Variants in TCERG1L observed in about 807,000 individuals in gnomAD.
The protein encoded by TCERG1L is transcription elongation regulator 1 like.
Under a neutral mutation model 56.3 loss-of-function variants are expected in TCERG1L, and 37 were observed. The ratio of observed to expected loss-of-function variants is 0.66; its 90% CI spans 0.51 to 0.87. The LOEUF (loss-of-function observed/expected upper bound fraction) is 0.87, where lower values mean the gene tolerates loss of function less well. Ranked by LOEUF, TCERG1L falls within the 40% of genes least tolerant of loss-of-function variation. The probability of loss-of-function intolerance (pLI) is 0.00; values close to 1 mark genes in which losing one functional copy is unlikely to be tolerated. For synonymous variants in TCERG1L, 324 were observed against 326.3 expected, an observed-to-expected ratio of 0.99 and a Z score of 0.08; for missense variants, 799 against 774.2, an observed-to-expected ratio of 1.03 and a Z score of -0.38.
intron 4 of TCERG1L, among the ~76,000 whole-genome samples, chr10:131,201,440 G>T (rs527263077): frequency 6.6e-6 from 1 of 152,250 alleles, no homozygotes; most frequent in East Asian, 1.9e-4. Flanking sequence ...GTTCCCCGGG[G>T]TCTCGTAAGG....
intron 3 of TCERG1L, among the ~76,000 whole-genome samples, chr10:131,291,811 G>T (rs533522579): frequency 6.6e-6 from 1 of 151,566 alleles, no homozygotes; most frequent in Non-Finnish European, 1.5e-5. Context: ...TCAGAATGTT[G>T]TCGTTTTCTC....
intron 3 of TCERG1L, among the ~76,000 whole-genome samples, chr10:131,307,360 A>G (rs1027936235): frequency 1.3e-5 from 2 of 152,244 alleles, no homozygotes; most frequent in Non-Finnish European, 2.9e-5. Context: ...AGAGAACAAA[A>G]TAAATATATC....
intron 4 of TCERG1L, among the ~76,000 whole-genome samples, chr10:131,195,519 TG>T (rs903824259): frequency 6.6e-6 from 1 of 152,212 alleles, no homozygotes; most frequent in African/African-American, 2.4e-5. Flanking sequence ...TTCTCCTTGC[TG>T]CTCTTCCCAA....
chr10:131,175,648 C>A (rs1846140044), intron 4 of TCERG1L, among the ~76,000 whole-genome samples: 1 of 152,198 alleles, frequency 6.6e-6, no homozygotes, highest in Admixed American at 6.5e-5. Flanking sequence ...TCATCTTTAT[C>A]CAAAGTAGGG....
At position 131,311,254 on chromosome 10, in the gene TCERG1L, A is replaced by G. The variant is rs937486716; in HGVS notation, c.342+40T>C. On this transcript the variant is annotated intron_variant, in intron 1 of 11. Transcript: ENST00000368642. This position sits in a 1 kb window ranked among gnomAD's most constrained non-coding sequence, Gnocchi z 4.0. ...GGCAGGGCGCGCCCAGGAGCAGGGG[A>G]GACGGCGACCCGGGCCGAGGCGGGA... 1.0e-5 allele frequency: 12 copies of G among 1,177,754 alleles called. No homozygotes were observed. The highest frequency in any genetic ancestry group is 3.2e-6 in the Non-Finnish European group (3 of 952,168). 73.0% of individuals were successfully genotyped at this position (1,177,754 alleles called of 1,614,324 possible). A position where few individuals can be genotyped will look rare whatever the true frequency, so the allele number is the denominator to read the frequency against.
At chr10:131,231,720 G>A (rs543165923) in intron 4 of TCERG1L, among the ~76,000 whole-genome samples, 8 of 152,300 alleles carry the variant, frequency 5.3e-5, no homozygotes, top group African/African-American at 1.2e-4. Flanking sequence ...GCCGGCACGT[G>A]GGGGGAAGTC....
rs202133271 is a variant in TCERG1L, at chr10:131,286,098, TCACTCC to T, written c.670+22107_670+22112del. Reference sequence around the variant, plus strand: ...AAGAACGGAAAAGAAGAAAGAAATCTCACTCCTGAACATTAACACGTCCGTGGCTCT... The same window carrying T: ...AAGAACGGAAAAGAAGAAAGAAATCTTGAACATTAACACGTCCGTGGCTCT... On this transcript the variant is annotated intron_variant, in intron 3 of 11. Transcript: ENST00000368642. 2.5e-4 allele frequency among the ~76,000 whole-genome samples: 38 copies of T among 152,326 alleles called. 1 individual carries two copies. The East Asian group carries it at 6.6e-3, about 26-fold the overall frequency.
intron 5 of TCERG1L, among the ~76,000 whole-genome samples, chr10:131,165,619 G>A (rs946771394): frequency 2.0e-5 from 3 of 152,108 alleles, no homozygotes; most frequent in African/African-American, 7.2e-5. Flanking sequence ...AAAACTAGGG[G>A]GGACTTTCAT....
At chr10:131,170,443 G>A (rs952537571) in intron 4 of TCERG1L, among the ~76,000 whole-genome samples, 4 of 151,962 alleles carry the variant, frequency 2.6e-5, no homozygotes, top group South Asian at 2.1e-4. Flanking sequence ...TCCGCCCTCC[G>A]AGAGAGGCAC....
At chr10:131,192,258 A>G (rs1845313082) in intron 4 of TCERG1L, among the ~76,000 whole-genome samples, 1 of 144,694 alleles carries the variant, frequency 6.9e-6, no homozygotes, top group Non-Finnish European at 1.5e-5. Flanking sequence ...CAAATGGACA[A>G]CAACCATGAA....
At chr10:131,298,586 G>T (rs1046008616) in intron 3 of TCERG1L, among the ~76,000 whole-genome samples, 3 of 152,100 alleles carry the variant, frequency 2.0e-5, no homozygotes, top group Admixed American at 6.5e-5. Context: ...GCTAATTTTT[G>T]TATTTTTAGT....
chr10:131,229,285 T>C (rs1361734837), intron 4 of TCERG1L, among the ~76,000 whole-genome samples: 2 of 152,260 alleles, frequency 1.3e-5, no homozygotes, highest in African/African-American at 2.4e-5. Flanking sequence ...CGCATCGAAC[T>C]GTCCAACATC....
intron 4 of TCERG1L, among the ~76,000 whole-genome samples, chr10:131,214,142 C>T (rs1845645678): frequency 1.3e-5 from 2 of 152,220 alleles, no homozygotes; most frequent in African/African-American, 4.8e-5. Context: ...CACAGGCCTC[C>T]TGACATCCTC....
chr10:131,178,552 TCCTCAGGGC>T (rs1845136625), intron 4 of TCERG1L, among the ~76,000 whole-genome samples: 1 of 152,156 alleles, frequency 6.6e-6, no homozygotes, highest in Non-Finnish European at 1.5e-5. Context: ...TGTCTGTCTG[TCCTCAGGGC>T]CTGGGAAGAG....
At chr10:131,199,644 C>A (rs1210091249) in intron 4 of TCERG1L, among the ~76,000 whole-genome samples, 3 of 152,216 alleles carry the variant, frequency 2.0e-5, no homozygotes, top group African/African-American at 4.8e-5. Context: ...TCACGTCACA[C>A]CCCCTTGAGC....
Position 131,134,403 on chromosome 10 carries a change from T to C in TCERG1L, c.1235A>G (p.Gln412Arg), listed in dbSNP as rs1350699330. 1.9e-6 allele frequency: 3 copies of C among 1,594,712 alleles called. No homozygotes were observed. Among genetic ancestry groups the C allele is most frequent in the Non-Finnish European group, 2.6e-6 (3 of 1,169,898 alleles). Residue 412 changes from glutamine (Q) to arginine (R), a missense_variant, in exon 8 of 12, where the codon CAA becomes CGA. Physicochemically the swap from Gln to Arg is conservative, Grantham distance 43. Transcript: ENST00000368642. ...GSSSEDNRED[Q>R]DVKTKRNRTE... The stretch of plus-strand genomic sequence containing the variant: ...CCGGTTCCTCTTGGTTTTCACATCT[T>C]GGTCTTCCCTGTTGTCTTCAGAACT...
At chr10:131,254,508 A>T (rs549921749) in intron 4 of TCERG1L, among the ~76,000 whole-genome samples, 1 of 152,198 alleles carries the variant, frequency 6.6e-6, no homozygotes, top group Non-Finnish European at 1.5e-5. Flanking sequence ...GCAAGGGCAG[A>T]CTTGGCCTGA....
chr10:131,165,421 A>G (rs1391362823), intron 5 of TCERG1L, among the ~76,000 whole-genome samples: 1 of 152,254 alleles, frequency 6.6e-6, no homozygotes, highest in Non-Finnish European at 1.5e-5. Context: ...AATGTATATT[A>G]TAACATTATC....
chr10:131,153,219 G>C (rs1845884109), intron 6 of TCERG1L, among the ~76,000 whole-genome samples: 1 of 152,134 alleles, frequency 6.6e-6, no homozygotes, highest in Admixed American at 6.5e-5. Context: ...TCTAGCAGAG[G>C]GAGGAAAGGG....
Sources: gnomAD v4.1 joint callset for allele counts (sites outside exome capture counted in the v4.1 genomes callset) on GRCh38, gnomAD v4.1.1 for gene constraint, Gnocchi (gnomAD v3.1) non-coding constraint, MANE v1.5 for transcripts, NCBI Gene and HGNC (gene_info 2026-07-23, HGNC 2026-07-21) for gene names.